The following LRRC75A variants were observed in gnomAD, a reference collection of about 807,000 sequenced individuals.
LRRC75A encodes leucine rich repeat containing 75A, also known as leucine-rich repeat-containing protein 75A.
A neutral mutation model predicts 26.0 loss-of-function variants in LRRC75A; 12 were observed. The ratio of observed to expected loss-of-function variants is 0.46; its 90% CI spans 0.30 to 0.75. The LOEUF (loss-of-function observed/expected upper bound fraction) is 0.75, where lower values mean the gene tolerates loss of function less well. Ranked by LOEUF, LRRC75A falls within the 30% of genes least tolerant of loss-of-function variation. The pLI, the probability that LRRC75A is intolerant of heterozygous loss-of-function variation, is 0.08. For missense variants in LRRC75A, 410 were observed against 486.6 expected (o/e 0.84, Z 1.48); for synonymous variants, 223 against 219.3 (o/e 1.02, Z -0.15).
Position 16,444,066 on chromosome 17 carries a change from G to A in LRRC75A, c.557C>T (p.Thr186Ile). The change falls in exon 4 of 4, where the codon ACC (threonine) becomes ATC (isoleucine). Residue 186 changes from threonine to isoleucine, a missense_variant. Physicochemically the swap from Thr to Ile is moderately conservative, Grantham distance 89. Transcript: ENST00000470794. ...GGTCACCCGCTCCAGGTCTCGGGAG[G>A]TCAGTGGGATTCCCGACAGGTCCAC... ...NTVDLSGIPL[T>I]SRDLERVTSY... 6.2e-7 allele frequency: 1 copy of A among 1,613,014 alleles called. No homozygotes were observed. The highest frequency in any genetic ancestry group is 1.1e-5 in the South Asian group (1 of 90,942).
intron 2 of LRRC75A, among the ~76,000 whole-genome samples, chr17:16,449,208 C>G (rs1162686024): frequency 6.6e-6 from 1 of 152,178 alleles, no homozygotes; most frequent in African/African-American, 2.4e-5. Flanking sequence ...CAGCATGGTG[C>G]CTGGAGTGGG....
In LRRC75A at chr17:16,485,116, C is replaced by G. The variant is rs1034652012; in HGVS notation, c.246+6629G>C. On this transcript the variant is annotated intron_variant, in intron 1 of 3. Coordinates refer to ENST00000470794, the MANE Select transcript of LRRC75A (RefSeq NM_001113567.3). ...GGTCTCTGTTCTCATTCAGAACACC[C>G]AGCCCTTCTAGTAATGGTGAGTCCA... Among the ~76,000 whole-genome samples, 15 of 152,228 alleles carry G rather than the reference C, an allele frequency of 9.9e-5. No individual in the cohort carries two copies. The East Asian group carries it at 2.7e-3, about 27-fold the overall frequency.
rs1019239418 is a variant in LRRC75A at position 16,491,363 on chromosome 17, C to T, written c.246+382G>A. 6.6e-6 allele frequency among the ~76,000 whole-genome samples: 1 copy of T among 152,198 alleles called. No individual in the cohort carries two copies. Among genetic ancestry groups the T allele is most frequent in the African/African-American group, 2.4e-5 (1 of 41,442 alleles). On this transcript the variant is annotated intron_variant, in intron 1 of 3. Transcript: ENST00000470794. This position sits in a 1 kb window ranked among gnomAD's most constrained non-coding sequence, Gnocchi z 5.9. ...ACCGCATTCCTTGAGGACCCTCGGC[C>T]GGGAGTGACTGCCAGTGGGCAGACA...
At chr17:16,488,307 G>A (rs1416152946) in intron 1 of LRRC75A, among the ~76,000 whole-genome samples, 2 of 152,334 alleles carry the variant, frequency 1.3e-5, no homozygotes, top group African/African-American at 4.8e-5. Flanking sequence ...ACGAGCATTC[G>A]CTCCAGATGC....
intron 1 of LRRC75A, among the ~76,000 whole-genome samples, chr17:16,465,302 C>G (rs1250051987): frequency 6.6e-6 from 1 of 152,198 alleles, no homozygotes; most frequent in Non-Finnish European, 1.5e-5. Flanking sequence ...ATTTTAGGCC[C>G]TGGCCAGCCC....
intron 1 of LRRC75A, among the ~76,000 whole-genome samples, chr17:16,477,103 T>G (rs1369932691): frequency 3.3e-5 from 5 of 152,138 alleles, no homozygotes; most frequent in Admixed American, 6.5e-5. Context: ...CAGGCTGGCC[T>G]CAAACTCCTG....
At chr17:16,445,847 C>G (rs1416033177) in intron 3 of LRRC75A, among the ~76,000 whole-genome samples, 3 of 152,194 alleles carry the variant, frequency 2.0e-5, no homozygotes, top group South Asian at 2.1e-4. Context: ...TCAGCCCCAC[C>G]ACTTACCAGT....
chr17:16,476,764 A>T, intron 1 of LRRC75A, among the ~76,000 whole-genome samples: 1 of 106,742 alleles, frequency 9.4e-6, no homozygotes, highest in African/African-American at 3.8e-5. Context: ...TTTGAGACAG[A>T]GTCTTGCTCT....
chr17:16,482,800 C>T (rs1167214096), intron 1 of LRRC75A, among the ~76,000 whole-genome samples: 1 of 152,266 alleles, frequency 6.6e-6, no homozygotes, highest in Non-Finnish European at 1.5e-5. Context: ...GCCCTGCTTT[C>T]CCTACTTGTC....
chr17:16,446,189 G>A (rs577269028), intron 3 of LRRC75A, among the ~76,000 whole-genome samples: 9 of 152,302 alleles, frequency 5.9e-5, no homozygotes, highest in African/African-American at 9.6e-5. Context: ...GATTACAGGC[G>A]TGAGCCACCG....
chr17:16,486,084 T>A (rs2093846581), intron 1 of LRRC75A, among the ~76,000 whole-genome samples: 1 of 152,180 alleles, frequency 6.6e-6, no homozygotes, highest in African/African-American at 2.4e-5. Context: ...ATGGGAAGTT[T>A]CAATCCATTC....
Position 16,491,668 on chromosome 17 carries a change from T to G in LRRC75A, c.246+77A>C. The G allele has an allele frequency of 5.6e-6, 6 of 1,079,610 alleles. No homozygotes were observed. Among genetic ancestry groups the G allele is most frequent in the Non-Finnish European group, 7.0e-6 (6 of 853,406 alleles). 66.9% of individuals were successfully genotyped at this position (1,079,610 alleles called of 1,614,324 possible). On this transcript the variant is annotated intron_variant, in intron 1 of 3. Transcript: ENST00000470794. This position sits in a 1 kb window ranked among gnomAD's most constrained non-coding sequence, Gnocchi z 5.9. ...CCCTCGGTGCCCCCGGCTTCCTCGG[T>G]TAGGGATGGGGCGCCCCCCCCGGCC... is the stretch of plus-strand genomic sequence containing the variant.
intron 1 of LRRC75A, among the ~76,000 whole-genome samples, chr17:16,473,922 T>C (rs1030837795): frequency 2.6e-5 from 4 of 152,152 alleles, no homozygotes; most frequent in Non-Finnish European, 5.9e-5. Context: ...CTGTGTGTTG[T>C]TTGTGTTTTA....
chr17:16,471,531 A>G (rs943057315), intron 1 of LRRC75A, among the ~76,000 whole-genome samples: 1 of 152,204 alleles, frequency 6.6e-6, no homozygotes, highest in Non-Finnish European at 1.5e-5. Flanking sequence ...CTCAGCCAAG[A>G]GCACAGCTGT....
chr17:16,484,112 C>A (rs531389279), intron 1 of LRRC75A, among the ~76,000 whole-genome samples: 1 of 151,876 alleles, frequency 6.6e-6, no homozygotes, highest in South Asian at 2.1e-4. Context: ...CTGAGGTGGG[C>A]GGATCATGAA....
chr17:16,449,720 GAT>G (rs1247881004), intron 2 of LRRC75A, among the ~76,000 whole-genome samples: 1 of 152,194 alleles, frequency 6.6e-6, no homozygotes, highest in Non-Finnish European at 1.5e-5. Context: ...GGGTTCGAGT[GAT>G]TCTCCTGCCT....
intron 1 of LRRC75A, chr17:16,470,346 G>T (rs1178182378): frequency 6.6e-6 from 1 of 152,194 alleles, no homozygotes; most frequent in Non-Finnish European, 1.5e-5. Flanking sequence ...GGGAAAGGAG[G>T]ACGCAGCAAG....
rs1555894184 is a variant in LRRC75A, at chr17:16,491,840, A to AG, written c.150dup (p.Tyr51LeufsTer202). On this transcript the variant is annotated frameshift_variant, in exon 1 of 4. Coordinates refer to ENST00000470794, the MANE Select transcript of LRRC75A (RefSeq NM_001113567.3). LOFTEE classifies it high-confidence loss of function. This position sits in a 1 kb window ranked among gnomAD's most constrained non-coding sequence, Gnocchi z 5.9. ...TGGACCATGCCGACTCGCCGGTGGT[A>AG]GGGGGGCATCCCCGCGCCCGCGCGC... 8 of 1,402,550 alleles carry AG rather than the reference A, an allele frequency of 5.7e-6. No homozygotes were observed. The highest frequency in any genetic ancestry group is 1.5e-5 in the South Asian group (1 of 68,882). 86.9% of individuals were successfully genotyped at this position (1,402,550 alleles called of 1,614,324 possible). A position where few individuals can be genotyped will look rare whatever the true frequency, so the allele number is the denominator to read the frequency against.
rs1349300152 is a variant in LRRC75A, at chr17:16,477,148, GT to G, written c.246+14596del. ...GATCTACCCGCCTGGGCTTCCCGAAGTTCTGGGATTACAGGCATAAGCCACC... is the reference window on the plus strand; with the variant it reads ...GATCTACCCGCCTGGGCTTCCCGAAGTCTGGGATTACAGGCATAAGCCACC... On this transcript the variant is annotated intron_variant, in intron 1 of 3. Transcript: ENST00000470794. Among the ~76,000 whole-genome samples, 485 of 152,286 alleles carry G rather than the reference GT, an allele frequency of 3.2e-3. 1 individual carries two copies. Among genetic ancestry groups the G allele is most frequent in the African/African-American group, 0.011 (467 of 41,560 alleles).
Sources: gnomAD v4.1 joint callset for allele counts (sites outside exome capture counted in the v4.1 genomes callset) on GRCh38, gnomAD v4.1.1 for gene constraint, Gnocchi (gnomAD v3.1) non-coding constraint, MANE v1.5 for transcripts, NCBI Gene and HGNC (gene_info 2026-07-23, HGNC 2026-07-21) for gene names.